Variants in C1QTNF3 observed in about 807,000 individuals in gnomAD.
C1QTNF3 encodes C1q and TNF related 3, also known as complement C1q tumor necrosis factor-related protein 3.
In C1QTNF3, 26 loss-of-function variants were observed where a neutral mutation model predicts 32.6. The ratio of observed to expected loss-of-function variants is 0.80; its 90% CI spans 0.58 to 1.11. The LOEUF (loss-of-function observed/expected upper bound fraction) is 1.11, where lower values mean the gene tolerates loss of function less well. Ranked by LOEUF, C1QTNF3 falls within the 50% of genes least tolerant of loss-of-function variation. C1QTNF3 has a pLI of 0.00. For missense variants in C1QTNF3, 362 were observed against 398.2 expected, an observed-to-expected ratio of 0.91 and a Z score of 0.77; for synonymous variants, 155 against 146.0, an observed-to-expected ratio of 1.06 and a Z score of -0.44.
chr5:34,074,494 G>A, the C1QTNF3 span, among the ~76,000 whole-genome samples: 1 of 151,502 alleles, frequency 6.6e-6, no homozygotes, highest in African/African-American at 2.4e-5. Flanking sequence ...CTTCAACCTT[G>A]TCATCTCTCC....
chr5:34,020,564 A>G lies in C1QTNF3; in HGVS notation c.*19T>C, dbSNP rs1424434293. On this transcript the variant is annotated 3_prime_UTR_variant, in exon 6 of 6. Transcript: ENST00000382065. ...CAGCTACAAGTCTTCCCCAAAGTGGAGCTATTCTAGTCATATATTTACTTA... is the reference window on the plus strand; with the variant it reads ...CAGCTACAAGTCTTCCCCAAAGTGGGGCTATTCTAGTCATATATTTACTTA... 2 of 1,609,030 alleles carry G rather than the reference A, an allele frequency of 1.2e-6. No homozygotes were observed. Among genetic ancestry groups the G allele is most frequent in the Non-Finnish European group, 1.7e-6 (2 of 1,176,084 alleles).
the C1QTNF3 span, among the ~76,000 whole-genome samples, chr5:34,213,813 T>A: frequency 0.012 from 31 of 2,524 alleles, 1 homozygote; most frequent in African/African-American, 0.017. Context: ...ATATATATTT[T>A]TTTTTTTTTG....
chr5:34,169,077 G>A, the C1QTNF3 span: 1 of 152,092 alleles, frequency 6.6e-6, no homozygotes, highest in Admixed American at 6.6e-5. Context: ...CCTCTGGCGG[G>A]TGCAGCAACA....
the C1QTNF3 span, among the ~76,000 whole-genome samples, chr5:34,061,484 A>G: frequency 6.6e-6 from 1 of 152,214 alleles, no homozygotes; most frequent in Non-Finnish European, 1.5e-5. Context: ...GAGGTTCTCC[A>G]TGAGGGCCCC....
chr5:34,041,402 C>T (rs190381206), intron 1 of C1QTNF3, among the ~76,000 whole-genome samples: 386 of 152,232 alleles, frequency 2.5e-3, no homozygotes, highest in African/African-American at 8.7e-3. Flanking sequence ...CAAAGACAAC[C>T]TTTAACTTCC....
At chr5:34,039,707 A>G (rs1754821492) in intron 1 of C1QTNF3, among the ~76,000 whole-genome samples, 1 of 152,226 alleles carries the variant, frequency 6.6e-6, no homozygotes, top group Non-Finnish European at 1.5e-5. Flanking sequence ...GAAACAAGAG[A>G]AGATTTCCCA....
At chr5:34,036,918 C>T (rs1175397509) in intron 1 of C1QTNF3, among the ~76,000 whole-genome samples, 2 of 151,994 alleles carry the variant, frequency 1.3e-5, no homozygotes, top group Admixed American at 6.5e-5. Context: ...CACCATTGTA[C>T]TCCAGCCTGG....
chr5:34,122,275 A>C, the C1QTNF3 span, among the ~76,000 whole-genome samples: 1 of 152,214 alleles, frequency 6.6e-6, no homozygotes, highest in African/African-American at 2.4e-5. Context: ...GGACAGGAGA[A>C]AAGCTGTAGA....
chr5:34,072,397 G>GA, the C1QTNF3 span, among the ~76,000 whole-genome samples: 2 of 151,208 alleles, frequency 1.3e-5, no homozygotes, highest in African/African-American at 4.9e-5. Flanking sequence ...AAGAAAGAAA[G>GA]AAAGAAAGAA....
chr5:34,145,146 A>C, the C1QTNF3 span, among the ~76,000 whole-genome samples: 1 of 152,064 alleles, frequency 6.6e-6, no homozygotes, highest in Non-Finnish European at 1.5e-5. Context: ...AAAATAAAAT[A>C]AAATAAAAAT....
At chr5:34,222,558 T>C in the C1QTNF3 span, among the ~76,000 whole-genome samples, 1 of 151,902 alleles carries the variant, frequency 6.6e-6, no homozygotes. Flanking sequence ...CTGTGCACAT[T>C]TGCATATGGG....
chr5:34,159,730 T>C, the C1QTNF3 span, among the ~76,000 whole-genome samples: 1,586 of 152,044 alleles, frequency 0.01, 29 homozygotes, highest in African/African-American at 0.037. Context: ...AGTAAGAATA[T>C]TGGAATTTGT....
chr5:34,229,708 G>T, the C1QTNF3 span, among the ~76,000 whole-genome samples: 1 of 152,124 alleles, frequency 6.6e-6, no homozygotes, highest in African/African-American at 2.4e-5. Flanking sequence ...GTGAAGGAAA[G>T]GAACTGTTAT....
the C1QTNF3 span, among the ~76,000 whole-genome samples, chr5:34,213,782 TATAC>T: frequency 0.14 from 2,028 of 14,240 alleles, 122 homozygotes; most frequent in Non-Finnish European, 0.25. Flanking sequence ...TACGTGTATA[TATAC>T]ATATATATAT....
chr5:34,161,182 C>A, the C1QTNF3 span, among the ~76,000 whole-genome samples: 4 of 152,138 alleles, frequency 2.6e-5, no homozygotes, highest in Admixed American at 2.6e-4. Context: ...GCATTAAGTT[C>A]ACCATATCCA....
At chr5:34,029,394 C>T (rs1235163758) in intron 3 of C1QTNF3, among the ~76,000 whole-genome samples, 1 of 152,094 alleles carries the variant, frequency 6.6e-6, no homozygotes, top group Admixed American at 6.5e-5. Context: ...CCTTCCTCGG[C>T]CTCCCAAAGT....
At chr5:34,090,600 T>C in the C1QTNF3 span, among the ~76,000 whole-genome samples, 1 of 152,196 alleles carries the variant, frequency 6.6e-6, no homozygotes, top group Non-Finnish European at 1.5e-5. Context: ...AGGCCAAGCA[T>C]GTTTGTATCC....
At chr5:34,182,301 G>C in the C1QTNF3 span, among the ~76,000 whole-genome samples, 1 of 152,302 alleles carries the variant, frequency 6.6e-6, no homozygotes, top group African/African-American at 2.4e-5. Flanking sequence ...TTACAGGCGT[G>C]AGCCACCATG....
the C1QTNF3 span, among the ~76,000 whole-genome samples, chr5:34,091,393 T>A: frequency 6.6e-6 from 1 of 152,282 alleles, no homozygotes; most frequent in Non-Finnish European, 1.5e-5. Context: ...TTATTTTGTT[T>A]CCTCTTTGCC....
Sources: allele counts gnomAD v4.1 joint callset (sites outside exome capture counted in the v4.1 genomes callset), GRCh38; gene constraint gnomAD v4.1.1; transcripts MANE v1.5; gene names NCBI Gene and HGNC (gene_info 2026-07-23, HGNC 2026-07-21).